The following CCNL1 variants were observed in gnomAD, a reference collection of about 807,000 sequenced individuals.
CCNL1 encodes the protein cyclin-L1.
Under a neutral mutation model 60.6 loss-of-function variants are expected in CCNL1, and 13 were observed. The ratio of observed to expected loss-of-function variants is 0.21; its 90% CI spans 0.14 to 0.34. The LOEUF (loss-of-function observed/expected upper bound fraction) is 0.34. CCNL1 is among the 10% of genes least tolerant of loss of function. The pLI is 1.00. For missense variants in CCNL1, 481 were observed against 664.3 expected, an observed-to-expected ratio of 0.72 and a Z score of 3.03; for synonymous variants, 270 against 244.3, an observed-to-expected ratio of 1.10 and a Z score of -0.98.
Position 157,149,827 on chromosome 3 carries a change from A to G in CCNL1, c.1021+9T>C, listed in dbSNP as rs1738037709. ...CCCCCAAGTCATTTTAATTCTAAAT[A>G]CATCTTACATGGCTTGGAGGCTGGA... On this transcript the variant is annotated intron_variant, in intron 8 of 10. Coordinates refer to ENST00000295926, the MANE Select transcript of CCNL1 (RefSeq NM_020307.4). 6.2e-7 allele frequency: 1 copy of G among 1,610,088 alleles called. No individual in the cohort carries two copies. Among genetic ancestry groups the G allele is most frequent in the Non-Finnish European group, 8.5e-7 (1 of 1,178,972 alleles).
intron 10 of CCNL1, 188 bp downstream of exon 10, chr3:157,149,099 A>G (rs1000009349): frequency 3.4e-6 from 2 of 584,288 alleles, no homozygotes; most frequent in Non-Finnish European, 6.0e-6. Flanking sequence ...GGGAGAAAAT[A>G]TAACAGAATG....
intron 1 of CCNL1, 122 bp from the exon 2 acceptor site, chr3:157,159,601 G>T: frequency 9.4e-7 from 1 of 1,064,906 alleles, no homozygotes; most frequent in Non-Finnish European, 1.4e-6. Flanking sequence ...GCTGCGAACA[G>T]CCCGCTGCCA....
chr3:157,145,199 G>A (rs982204911), downstream of CCNL1, among the ~76,000 whole-genome samples: 1 of 152,076 alleles, frequency 6.6e-6, no homozygotes, highest in Non-Finnish European at 1.5e-5. Context: ...CCCTTTGGGA[G>A]GCAAGGCAGG....
intron 3 of CCNL1, among the ~76,000 whole-genome samples, chr3:157,155,982 C>G (rs1738591508): frequency 6.6e-6 from 1 of 152,150 alleles, no homozygotes; most frequent in Non-Finnish European, 1.5e-5. Flanking sequence ...TTTAGAAAAT[C>G]CTGGTCTTTG....
At position 157,159,942 on chromosome 3, in the gene CCNL1, T is replaced by G. The variant is rs145711669; in HGVS notation, c.153A>C (p.Ser51=). ...GAATCAGAGAGTGGTCGATGGTAAG[T>G]GAAACTTCCGAGTACAGGCGATCGC... ...LIGDRLYSEV[S]LTIDHSLIPE... Residue 51 remains serine (S), a synonymous_variant, in exon 1 of 11, where the codon TCA becomes TCC. Coordinates refer to ENST00000295926, the MANE Select transcript of CCNL1 (RefSeq NM_020307.4). 6.9e-6 allele frequency: 11 copies of G among 1,604,542 alleles called. No individual in the cohort carries two copies. The African/African-American group carries it at 1.2e-4, about 18-fold the overall frequency.
At chr3:157,143,747 G>C (rs1039626487), downstream of CCNL1, among the ~76,000 whole-genome samples, 2 of 152,110 alleles carry the variant, frequency 1.3e-5, no homozygotes, top group Non-Finnish European at 2.9e-5. Context: ...TGCAGAGTGG[G>C]ACCTGAATAA....
chr3:157,152,743 CT>C, intron 4 of CCNL1: 5 of 1,163,362 alleles, frequency 4.3e-6, no homozygotes, highest in Non-Finnish European at 5.3e-6. Context: ...GAATGAGGAA[CT>C]TTACATCTCT....
chr3:157,147,368 T>C (rs938209073), downstream of CCNL1, among the ~76,000 whole-genome samples: 1 of 152,178 alleles, frequency 6.6e-6, no homozygotes, highest in African/African-American at 2.4e-5. Context: ...CCACTCAAGT[T>C]CAGGGGCCTC....
intron 3 of CCNL1, among the ~76,000 whole-genome samples, chr3:157,158,434 T>C (rs931564985): frequency 3.3e-5 from 5 of 152,228 alleles, no homozygotes; most frequent in African/African-American, 1.2e-4. Flanking sequence ...AAGAATTAAC[T>C]GGGACTTCGA....
chr3:157,150,243 G>C (rs1474664132), intron 6 of CCNL1, 39 bp downstream of exon 6: 18 of 1,610,410 alleles, frequency 1.1e-5, no homozygotes, highest in African/African-American at 2.7e-5. Context: ...AAATTTGTGT[G>C]ATTTATCCTA....
chr3:157,153,302 G>T, intron 3 of CCNL1, 146 bp from the exon 4 acceptor site: 1 of 689,832 alleles, frequency 1.4e-6, no homozygotes, highest in Non-Finnish European at 2.3e-6. Context: ...CATTAATCTT[G>T]TGCTGTCCAA....
chr3:157,151,254 C>A, intron 5 of CCNL1: 1 of 985,484 alleles, frequency 1.0e-6, no homozygotes, highest in Non-Finnish European at 1.2e-6. Context: ...AAAAGGACAT[C>A]TTGCTGGGAA....
In CCNL1 at chr3:157,147,717, T is replaced by C. The variant is rs1168720442; in HGVS notation, c.*524A>G. 8.1e-6 allele frequency: 8 copies of C among 985,156 alleles called. No homozygotes were observed. The highest frequency in any genetic ancestry group is 9.6e-6 in the Non-Finnish European group (8 of 829,770). 61.0% of individuals were successfully genotyped at this position (985,156 alleles called of 1,614,324 possible). On this transcript the variant is annotated 3_prime_UTR_variant, in exon 11 of 11. Transcript: ENST00000295926. ...CATCTAATGGAGGAAAGAATAAGTT[T>C]GTCAGAAAACCAGTACAGCCATTTT...
At chr3:157,153,458 T>C (rs961439757) in intron 3 of CCNL1, 6 of 216,952 alleles carry the variant, frequency 2.8e-5, no homozygotes, top group Non-Finnish European at 5.5e-5. Context: ...TGTATATATA[T>C]GTATTTAACT....
At chr3:157,152,803 CTT>C in intron 4 of CCNL1, 11 of 1,244,828 alleles carry the variant, frequency 8.8e-6, no homozygotes, top group Non-Finnish European at 1.0e-5. Flanking sequence ...ACAAAAATAA[CTT>C]CTCTATGAGC....
In CCNL1 at chr3:157,149,921, T is replaced by C. The variant is rs1482312035; in HGVS notation, c.936A>G (p.Glu312=). 1.2e-6 allele frequency: 2 copies of C among 1,614,024 alleles called. No homozygotes were observed. Among genetic ancestry groups the C allele is most frequent in the Non-Finnish European group, 1.7e-6 (2 of 1,179,990 alleles). Residue 312 remains glutamate, a synonymous_variant, in exon 8 of 11, where the codon GAA becomes GAG. Transcript: ENST00000295926. The part of the protein sequence containing the change: ...EVEKRKVALQ[E]AKLKAKGLNP... Reference sequence around the variant, plus strand: ...TCAATCCCTTTGCTTTTAATTTGGCTTCTTGTAAGGCTACTTTTCTTTTTT... The same window carrying C: ...TCAATCCCTTTGCTTTTAATTTGGCCTCTTGTAAGGCTACTTTTCTTTTTT...
At chr3:157,146,544 G>A (rs1239309990), downstream of CCNL1, 1 of 450,052 alleles carries the variant, frequency 2.2e-6, no homozygotes, top group Non-Finnish European at 4.4e-6. Context: ...GGAGGCTGAG[G>A]TGGGAGGATC....
Position 157,149,308 on chromosome 3 carries a change from C to T in CCNL1, c.1211G>A (p.Arg404Lys), listed in dbSNP as rs1252706871. ...RSRSRTRSRS[R>K]SHTPRRHYNN... ...TTACTGTCTTCTTGGAGTATGTGAT[C>T]TAGAACGTGATCGTGTTCTTGACCT... Residue 404 changes from arginine (R) to lysine (K), a missense_variant, in exon 10 of 11, where the codon AGA (arginine) becomes AAA (lysine). By Grantham distance (26) the Arg-to-Lys change is conservative. Coordinates refer to ENST00000295926, the MANE Select transcript of CCNL1 (RefSeq NM_020307.4). 2.5e-6 allele frequency: 4 copies of T among 1,613,310 alleles called. No individual in the cohort carries two copies. In the South Asian group the frequency reaches 4.4e-5, roughly 18 times the overall value.
rs759863674 is a variant in CCNL1, at chr3:157,159,873, G to C, written c.222C>G (p.Leu74=). 1.9e-6 allele frequency: 3 copies of C among 1,594,632 alleles called. No homozygotes were observed. Among genetic ancestry groups the C allele is most frequent in the African/African-American group, 1.3e-5 (1 of 74,562 alleles). Residue 74 remains leucine, a synonymous_variant, in exon 1 of 11, where the codon CTC becomes CTG. Coordinates refer to ENST00000295926, the MANE Select transcript of CCNL1 (RefSeq NM_020307.4). Reference sequence around the variant, plus strand: ...GTAAGTCCGTCTCACTGGGCAGGTCGAGCCCATCCTGCATGGATGGGGTGG... The same window carrying C: ...GTAAGTCCGTCTCACTGGGCAGGTCCAGCCCATCCTGCATGGATGGGGTGG... ...LSPTPSMQDG[L]DLPSETDLRI...
Sources: allele counts gnomAD v4.1 joint callset (sites outside exome capture counted in the v4.1 genomes callset), GRCh38; gene constraint gnomAD v4.1.1; transcripts MANE v1.5; gene names NCBI Gene and HGNC (gene_info 2026-07-23, HGNC 2026-07-21).